The following PVT1 variants were observed in gnomAD, a reference collection of about 807,000 sequenced individuals.
The protein encoded by PVT1 is Pvt1 oncogene.
At chr8:127,849,744 A>ATG (rs1204388063) in intron 2 of PVT1, among the ~76,000 whole-genome samples, 1 of 114,416 alleles carries the variant, frequency 8.7e-6, no homozygotes, top group Non-Finnish European at 1.7e-5. Flanking sequence ...GCCTGTACAT[A>ATG]TGTGTGTGTG....
At chr8:127,860,523 G>A (rs577111751) in intron 2 of PVT1, among the ~76,000 whole-genome samples, 4 of 152,158 alleles carry the variant, frequency 2.6e-5, no homozygotes, top group African/African-American at 4.8e-5. Flanking sequence ...CCAGCACTTC[G>A]GGAGGCCAAG....
intron 4 of PVT1, among the ~76,000 whole-genome samples, chr8:128,049,420 G>A (rs763428241): frequency 1.4e-4 from 22 of 152,342 alleles, no homozygotes; most frequent in Admixed American, 2.0e-4. Context: ...AGAGGCAGGC[G>A]GGCCCTAGCT....
chr8:128,005,011 A>G (rs1817229215), intron 4 of PVT1, among the ~76,000 whole-genome samples: 1 of 152,084 alleles, frequency 6.6e-6, no homozygotes, highest in Non-Finnish European at 1.5e-5. Flanking sequence ...ATGGTGGCAC[A>G]TGACTGTAAT....
intron 2 of PVT1, among the ~76,000 whole-genome samples, chr8:127,887,828 T>C (rs1302991711): frequency 6.7e-6 from 1 of 150,234 alleles, no homozygotes; most frequent in East Asian, 2.0e-4. Context: ...ACGCTTGGCC[T>C]AGAAACACTG....
At chr8:127,970,406 A>ACCTG (rs1276993272) in intron 3 of PVT1, among the ~76,000 whole-genome samples, 1 of 139,244 alleles carries the variant, frequency 7.2e-6, no homozygotes, top group Non-Finnish European at 1.5e-5. Context: ...CACGCCATTC[A>ACCTG]CCTGCCTCAG....
At chr8:127,828,668 A>G (rs997786303) in intron 2 of PVT1, among the ~76,000 whole-genome samples, 1 of 152,152 alleles carries the variant, frequency 6.6e-6, no homozygotes. Flanking sequence ...GTCCATCCTC[A>G]GAGAGTGAAT....
intron 3 of PVT1, among the ~76,000 whole-genome samples, chr8:127,984,952 C>T (rs1816943359): frequency 7.2e-6 from 1 of 139,428 alleles, no homozygotes; most frequent in Non-Finnish European, 1.5e-5. Flanking sequence ...TTTCCCCTTC[C>T]TTCCTTCCTT....
In PVT1 at chr8:127,832,459, A is replaced by G. The variant is rs367691926; in HGVS notation, n.372+36388A>G. 4.6e-5 allele frequency among the ~76,000 whole-genome samples: 7 copies of G among 152,362 alleles called. 1 individual carries two copies. Among genetic ancestry groups the G allele is most frequent in the South Asian group, 2.1e-4 (1 of 4,828 alleles). On this transcript the variant is annotated intron_variant and non_coding_transcript_variant, in intron 2 of 10. Coordinates refer to ENST00000651587, the Ensembl canonical transcript of PVT1. Reference sequence around the variant, plus strand: ...CATTTTTACTGTAGTACTTAATGTCATGCCTGGTTCAGCAAGTGGTTTTGT... The same window carrying G: ...CATTTTTACTGTAGTACTTAATGTCGTGCCTGGTTCAGCAAGTGGTTTTGT...
intron 6 of PVT1, among the ~76,000 whole-genome samples, chr8:128,098,265 G>A (rs566654884): frequency 6.6e-5 from 10 of 152,300 alleles, no homozygotes; most frequent in East Asian, 3.9e-4. Flanking sequence ...TGTGTTTAGA[G>A]TGTCACAAAG....
chr8:128,095,952 C>A (rs56401585), intron 5 of PVT1, among the ~76,000 whole-genome samples: 5,285 of 152,324 alleles, frequency 0.035, 214 homozygotes, highest in Admixed American at 0.13. Context: ...GATGGTGTTA[C>A]TTTCATTTCT....
At chr8:127,975,770 C>T (rs1816817079) in intron 3 of PVT1, among the ~76,000 whole-genome samples, 1 of 152,218 alleles carries the variant, frequency 6.6e-6, no homozygotes, top group Non-Finnish European at 1.5e-5. Context: ...ACAGCTCCTT[C>T]AACTATTTTT....
chr8:128,045,216 CG>C (rs1813596916), intron 4 of PVT1, among the ~76,000 whole-genome samples: 2 of 152,176 alleles, frequency 1.3e-5, no homozygotes, highest in African/African-American at 4.8e-5. Context: ...GCAGGCACCA[CG>C]GCAGCCTGCT....
intron 2 of PVT1, among the ~76,000 whole-genome samples, chr8:127,858,888 A>G (rs1044416882): frequency 7.7e-5 from 10 of 129,740 alleles, no homozygotes; most frequent in Admixed American, 2.8e-4. Flanking sequence ...GCTCATTGTA[A>G]CCTTGAGCTT....
chr8:127,834,862 G>A (rs1814892450), intron 2 of PVT1, among the ~76,000 whole-genome samples: 1 of 152,140 alleles, frequency 6.6e-6, no homozygotes, highest in South Asian at 2.1e-4. Flanking sequence ...ATCATTACTG[G>A]TCATTAGAGA....
intron 3 of PVT1, among the ~76,000 whole-genome samples, chr8:127,945,970 C>A (rs1275212549): frequency 6.6e-6 from 1 of 152,166 alleles, no homozygotes; most frequent in Non-Finnish European, 1.5e-5. Context: ...AAGCTACCAG[C>A]CTCGCTGCGG....
chr8:127,914,260 CAAAAA>C (rs60359946), intron 3 of PVT1, among the ~76,000 whole-genome samples: 2 of 47,862 alleles, frequency 4.2e-5, no homozygotes, highest in East Asian at 1.3e-3. Flanking sequence ...CCACCAACAG[CAAAAA>C]AAAAAAAAAA....
intron 2 of PVT1, among the ~76,000 whole-genome samples, chr8:127,829,687 A>T (rs1420839414): frequency 6.6e-6 from 1 of 152,186 alleles, no homozygotes; most frequent in Non-Finnish European, 1.5e-5. Flanking sequence ...CCCATCTGTA[A>T]AGTGAGATCC....
chr8:127,894,732 T>A (rs1815652676), intron 3 of PVT1, among the ~76,000 whole-genome samples: 1 of 152,234 alleles, frequency 6.6e-6, no homozygotes, highest in African/African-American at 2.4e-5. Context: ...ATTAGTGACA[T>A]GTGGACCTAG....
At chr8:127,934,453 G>A (rs374930861) in intron 3 of PVT1, among the ~76,000 whole-genome samples, 6 of 152,188 alleles carry the variant, frequency 3.9e-5, no homozygotes, top group Non-Finnish European at 5.9e-5. Context: ...GGGCTCTCTC[G>A]GGATGGGAGG....
Sources: gnomAD v4.1 joint callset for allele counts (sites outside exome capture counted in the v4.1 genomes callset) on GRCh38, gnomAD v4.1.1 for gene constraint, MANE v1.5 for transcripts, NCBI Gene and HGNC (gene_info 2026-07-23, HGNC 2026-07-21) for gene names.